Variants in NELL1 observed in about 807,000 individuals in gnomAD.
NELL1 encodes protein kinase C-binding protein NELL1.
A neutral mutation model predicts 107.4 loss-of-function variants in NELL1; 76 were observed. That is an observed-to-expected ratio of 0.71 (90% CI 0.59 to 0.86). The LOEUF (loss-of-function observed/expected upper bound fraction) is 0.86. Ranked by LOEUF, NELL1 falls within the 40% of genes least tolerant of loss-of-function variation. NELL1 has a pLI of 0.00. For synonymous variants in NELL1, 353 were observed against 341.2 expected (o/e 1.03, Z -0.38); for missense variants, 1,024 against 1,005.5 (o/e 1.02, Z -0.25).
chr11:21,112,958 C>T (rs1024151771), intron 12 of NELL1, among the ~76,000 whole-genome samples: 3 of 151,976 alleles, frequency 2.0e-5, no homozygotes, highest in African/African-American at 7.2e-5. Context: ...TATGAGAAAG[C>T]AGGTGATGCT....
At chr11:21,025,266 T>C (rs936198248) in intron 12 of NELL1, among the ~76,000 whole-genome samples, 1 of 152,030 alleles carries the variant, frequency 6.6e-6, no homozygotes, top group Non-Finnish European at 1.5e-5. Flanking sequence ...CCAAGCCTTA[T>C]GCTTTAGATA....
intron 12 of NELL1, among the ~76,000 whole-genome samples, chr11:21,043,658 G>A (rs1179140043): frequency 3.3e-5 from 5 of 152,312 alleles, no homozygotes; most frequent in Middle Eastern, 3.4e-3. Context: ...AGGCAATAGC[G>A]AAAGCAGGAA....
At chr11:20,755,559 T>TTATTTTTTTATTTA in intron 2 of NELL1, among the ~76,000 whole-genome samples, 1 of 17,668 alleles carries the variant, frequency 5.7e-5, no homozygotes, top group Non-Finnish European at 2.2e-4. Flanking sequence ...TGTTTTTGTT[T>TTATTTTTTTATTTA]TTGTTTTTTT....
At chr11:20,745,257 C>T (rs1215444010) in intron 2 of NELL1, among the ~76,000 whole-genome samples, 2 of 152,100 alleles carry the variant, frequency 1.3e-5, no homozygotes, top group South Asian at 2.1e-4. Flanking sequence ...TTTTTATATG[C>T]CTTAAAGCCC....
chr11:20,803,590 G>A (rs1463374033), intron 3 of NELL1, among the ~76,000 whole-genome samples: 1 of 152,012 alleles, frequency 6.6e-6, no homozygotes, highest in Non-Finnish European at 1.5e-5. Flanking sequence ...TACTAACTTT[G>A]AGTTTGGTTT....
chr11:21,203,000 T>C (rs1324733689), intron 13 of NELL1, among the ~76,000 whole-genome samples: 1 of 152,188 alleles, frequency 6.6e-6, no homozygotes, highest in Non-Finnish European at 1.5e-5. Context: ...CTGTTACGAC[T>C]TCCGTTCTTT....
intron 14 of NELL1, among the ~76,000 whole-genome samples, chr11:21,317,590 G>A (rs573561674): frequency 2.6e-5 from 4 of 151,886 alleles, no homozygotes; most frequent in South Asian, 2.1e-4. Flanking sequence ...TCAGGACAGC[G>A]CAGACCCTTC....
chr11:20,686,643 G>C (rs1416209898), intron 2 of NELL1, among the ~76,000 whole-genome samples: 4 of 152,090 alleles, frequency 2.6e-5, no homozygotes, highest in African/African-American at 9.7e-5. Flanking sequence ...TCGAACATTT[G>C]GCCACTGTGG....
chr11:21,294,285 C>A (rs1849330574), intron 14 of NELL1, among the ~76,000 whole-genome samples: 1 of 151,990 alleles, frequency 6.6e-6, no homozygotes, highest in Non-Finnish European at 1.5e-5. Context: ...TGTGCTTATA[C>A]CATCTCAAGG....
intron 16 of NELL1, among the ~76,000 whole-genome samples, chr11:21,536,374 C>T (rs1856137777): frequency 6.6e-6 from 1 of 152,138 alleles, no homozygotes; most frequent in Non-Finnish European, 1.5e-5. Context: ...GGACTGCACA[C>T]TTCTCTGCCT....
intron 1 of NELL1, chr11:20,674,602 G>A (rs149731004): frequency 7.7e-4 from 954 of 1,242,714 alleles, no homozygotes; most frequent in Non-Finnish European, 1.1e-3. Context: ...TTTTATGGAT[G>A]AGGAAACTGA....
At chr11:20,906,841 T>C (rs981971268) in intron 5 of NELL1, among the ~76,000 whole-genome samples, 3 of 152,024 alleles carry the variant, frequency 2.0e-5, no homozygotes, top group African/African-American at 7.2e-5. Flanking sequence ...GTGGAAACTT[T>C]CTTAACGTAA....
chr11:20,807,305 C>T (rs1247557143), intron 3 of NELL1, among the ~76,000 whole-genome samples: 1 of 152,196 alleles, frequency 6.6e-6, no homozygotes, highest in East Asian at 1.9e-4. Flanking sequence ...CTTGCAGACT[C>T]ATAGAGGTAC....
At chr11:20,896,914 G>A (rs1338381834) in intron 5 of NELL1, among the ~76,000 whole-genome samples, 1 of 152,002 alleles carries the variant, frequency 6.6e-6, no homozygotes, top group Non-Finnish European at 1.5e-5. Context: ...AATAAAAGAG[G>A]ATACAAACAA....
chr11:20,992,041 T>C (rs556457673), intron 12 of NELL1, among the ~76,000 whole-genome samples: 1 of 147,388 alleles, frequency 6.8e-6, no homozygotes, highest in African/African-American at 2.5e-5. Flanking sequence ...AACTCAATAA[T>C]GTTTTTAGGA....
chr11:21,563,750 G>A (rs1488493516), intron 17 of NELL1, among the ~76,000 whole-genome samples: 1 of 151,940 alleles, frequency 6.6e-6, no homozygotes, highest in Admixed American at 6.6e-5. Flanking sequence ...ATCCCCCAGA[G>A]ATACTGAGGG....
intron 13 of NELL1, among the ~76,000 whole-genome samples, chr11:21,144,390 T>G (rs1855931034): frequency 6.6e-6 from 1 of 152,206 alleles, no homozygotes; most frequent in South Asian, 2.1e-4. Context: ...TATGCATGCA[T>G]GTTTACATCC....
chr11:20,807,228 C>T (rs920023888), intron 3 of NELL1, among the ~76,000 whole-genome samples: 2 of 152,134 alleles, frequency 1.3e-5, no homozygotes, highest in South Asian at 4.1e-4. Flanking sequence ...GTGTTGTGAT[C>T]TATGTTTTTG....
At chr11:21,097,178 C>T (rs80352056) in intron 12 of NELL1, among the ~76,000 whole-genome samples, 1 of 152,170 alleles carries the variant, frequency 6.6e-6, no homozygotes, top group Non-Finnish European at 1.5e-5. Context: ...TCTACTTGTA[C>T]TGTTCTTAAC....
Sources: allele counts gnomAD v4.1 joint callset (sites outside exome capture counted in the v4.1 genomes callset), GRCh38; gene constraint gnomAD v4.1.1; transcripts MANE v1.5; gene names NCBI Gene and HGNC (gene_info 2026-07-23, HGNC 2026-07-21).